Variants in ASTN1 observed in about 807,000 individuals in gnomAD.
ASTN1 encodes astrotactin-1.
ASTN1 carries 41 observed loss-of-function variants against 140.7 expected under a neutral mutation model. The observed-to-expected ratio is 0.29, with a 90% CI of 0.23 to 0.38. The LOEUF (loss-of-function observed/expected upper bound fraction) is 0.38. Among genes scored for constraint, ASTN1 ranks in the 10% least tolerant of loss-of-function variants. ASTN1 has a pLI of 1.00. For missense variants in ASTN1, 1,479 were observed against 1,678.8 expected, an observed-to-expected ratio of 0.88 and a Z score of 2.08; for synonymous variants, 640 against 652.2, an observed-to-expected ratio of 0.98 and a Z score of 0.29.
intron 5 of ASTN1, among the ~76,000 whole-genome samples, chr1:177,026,626 G>A (rs528372943): frequency 4.6e-5 from 7 of 152,240 alleles, no homozygotes; most frequent in South Asian, 2.1e-4. Flanking sequence ...CATTCCCACC[G>A]CAGTGTACAA....
chr1:177,056,250 T>C (rs1416431961), intron 2 of ASTN1, among the ~76,000 whole-genome samples: 9 of 152,216 alleles, frequency 5.9e-5, no homozygotes, highest in African/African-American at 2.2e-4. Flanking sequence ...GCCCATTTTA[T>C]TTGCTGGACT....
In ASTN1 at chr1:177,129,931, C is replaced by G. The variant is rs187396338; in HGVS notation, c.283+34463G>C. Among the ~76,000 whole-genome samples the G allele has an allele frequency of 2.0e-5, 3 of 152,142 alleles. No homozygotes were observed. The East Asian group carries it at 5.8e-4, about 29-fold the overall frequency. On this transcript the variant is annotated intron_variant, in intron 1 of 22. Coordinates refer to ENST00000361833, the MANE Select transcript of ASTN1 (RefSeq NM_004319.3). ...GTGGTGAGCCAAGATCTTGACACTG[C>G]GCTCCAGCCTGGGCAACAGCGAGAC...
At chr1:176,999,340 T>G (rs1674609732) in intron 8 of ASTN1, among the ~76,000 whole-genome samples, 1 of 152,226 alleles carries the variant, frequency 6.6e-6, no homozygotes, top group Admixed American at 6.5e-5. Flanking sequence ...TTATGGAGAC[T>G]TCTCCAGGTT....
At chr1:176,896,519 C>A (rs1669512567) in intron 16 of ASTN1, among the ~76,000 whole-genome samples, 1 of 152,136 alleles carries the variant, frequency 6.6e-6, no homozygotes, top group African/African-American at 2.4e-5. Flanking sequence ...CAGCCCCTCA[C>A]CAGGCCCCCA....
intron 9 of ASTN1, among the ~76,000 whole-genome samples, chr1:176,963,560 A>G (rs998404145): frequency 1.3e-5 from 2 of 152,230 alleles, no homozygotes; most frequent in African/African-American, 4.8e-5. Context: ...TAGTGCTTGG[A>G]TAAAACATCC....
chr1:176,888,107 T>C lies in ASTN1; in HGVS notation c.3038A>G (p.Asp1013Gly). 1.2e-6 allele frequency: 2 copies of C among 1,614,096 alleles called. No homozygotes were observed. The highest frequency in any genetic ancestry group is 2.2e-5 in the South Asian group (2 of 91,078). Residue 1013 changes from aspartate (D) to glycine (G), a missense_variant, in exon 18 of 23, where the codon GAT (aspartate) becomes GGT (glycine). This residue lies in a region of ASTN1 where 746 missense variants were observed against 800.9 expected (regional missense o/e 0.93). Coordinates refer to ENST00000361833, the MANE Select transcript of ASTN1 (RefSeq NM_004319.3). The part of the protein sequence containing the change: ...CRCDSTAFGA[D>G]GLPTCAPLPQ... ...GAGAGGCGCACAGGTGGGGAGTCCATCAGCTCCAAAAGCAGTGGAGTCACA... is the reference window on the plus strand; with the variant it reads ...GAGAGGCGCACAGGTGGGGAGTCCACCAGCTCCAAAAGCAGTGGAGTCACA...
intron 16 of ASTN1, among the ~76,000 whole-genome samples, chr1:176,923,895 C>A (rs1363905744): frequency 6.6e-6 from 1 of 152,166 alleles, no homozygotes; most frequent in East Asian, 1.9e-4. Context: ...CTTCCCTTCC[C>A]TTATCCTTTA....
intron 8 of ASTN1, among the ~76,000 whole-genome samples, chr1:176,986,028 A>T (rs1673888716): frequency 6.6e-6 from 1 of 152,088 alleles, no homozygotes; most frequent in South Asian, 2.1e-4. Context: ...GGCGCAGCTG[A>T]GAACTGCCTC....
chr1:177,137,370 A>G (rs1354128587), intron 1 of ASTN1, among the ~76,000 whole-genome samples: 1 of 152,210 alleles, frequency 6.6e-6, no homozygotes, highest in African/African-American at 2.4e-5. Context: ...TCAGCCATAG[A>G]CATTATTAAC....
At chr1:177,005,734 A>AGGCGCCCGCCACCAT (rs1553242290) in intron 8 of ASTN1, among the ~76,000 whole-genome samples, 1 of 152,126 alleles carries the variant, frequency 6.6e-6, no homozygotes, top group Non-Finnish European at 1.5e-5. Flanking sequence ...CTGGGATTAC[A>AGGCGCCCGCCACCAT]GGCGCCCGCC....
intron 1 of ASTN1, among the ~76,000 whole-genome samples, chr1:177,105,560 C>G (rs1272830908): frequency 2.0e-5 from 3 of 151,990 alleles, no homozygotes; most frequent in Non-Finnish European, 2.9e-5. Context: ...ACTATTAAGA[C>G]CCCTCTTTCC....
intron 17 of ASTN1, among the ~76,000 whole-genome samples, chr1:176,893,436 A>G (rs1021023779): frequency 1.3e-5 from 2 of 152,140 alleles, no homozygotes; most frequent in African/African-American, 2.4e-5. Flanking sequence ...AGCCACCTTT[A>G]TCAGATTGAA....
At chr1:177,089,341 C>T (rs1226592754) in intron 1 of ASTN1, among the ~76,000 whole-genome samples, 2 of 152,084 alleles carry the variant, frequency 1.3e-5, no homozygotes, top group African/African-American at 4.8e-5. Flanking sequence ...ATAACAAAAG[C>T]TCCTGTGAGG....
At chr1:176,865,077 T>C (rs1668085798) in intron 22 of ASTN1, among the ~76,000 whole-genome samples, 1 of 152,186 alleles carries the variant, frequency 6.6e-6, no homozygotes, top group South Asian at 2.1e-4. Flanking sequence ...CCTTTGGGAA[T>C]ATGCAGACTG....
chr1:176,905,871 G>C (rs2103053163), intron 16 of ASTN1, among the ~76,000 whole-genome samples: 1 of 152,282 alleles, frequency 6.6e-6, no homozygotes, highest in South Asian at 2.1e-4. Context: ...AACCCAAACT[G>C]GTTGGTGAGG....
At chr1:177,128,226 T>C (rs1681763965) in intron 1 of ASTN1, among the ~76,000 whole-genome samples, 1 of 152,198 alleles carries the variant, frequency 6.6e-6, no homozygotes, top group Non-Finnish European at 1.5e-5. Flanking sequence ...CATTTCTTTT[T>C]CTCACAAGCC....
intron 1 of ASTN1, among the ~76,000 whole-genome samples, chr1:177,064,075 G>A (rs74547540): frequency 0.13 from 19,944 of 151,926 alleles, 1,649 homozygotes; most frequent in African/African-American, 0.24. Context: ...TGGAAGCAAG[G>A]CAAGGTTCTT....
chr1:176,970,939 C>A (rs1009105075), intron 8 of ASTN1, among the ~76,000 whole-genome samples: 1 of 152,290 alleles, frequency 6.6e-6, no homozygotes, highest in East Asian at 1.9e-4. Context: ...TAAATGAAAG[C>A]ACATCCTTTC....
intron 1 of ASTN1, among the ~76,000 whole-genome samples, chr1:177,139,536 G>A (rs752851183): frequency 7.2e-5 from 11 of 152,174 alleles, no homozygotes; most frequent in Admixed American, 6.5e-5. Context: ...AGTGATGAAG[G>A]CAGCCTTGTT....
Sources: allele counts gnomAD v4.1 joint callset (sites outside exome capture counted in the v4.1 genomes callset), GRCh38; gene constraint gnomAD v4.1.1; regional missense constraint gnomAD v4.1.1; transcripts MANE v1.5; gene names NCBI Gene and HGNC (gene_info 2026-07-23, HGNC 2026-07-21).